Variants in SS18L1 observed in about 807,000 individuals in gnomAD.
SS18L1 encodes calcium-responsive transactivator.
In SS18L1, 32 loss-of-function variants were observed where a neutral mutation model predicts 70.3. That is an observed-to-expected ratio of 0.46 (90% confidence interval 0.34 to 0.61). SS18L1 has a LOEUF of 0.61. Among genes scored for constraint, SS18L1 ranks in the 20% least tolerant of loss-of-function variants. The pLI, the probability that SS18L1 is intolerant of heterozygous loss-of-function variation, is 0.01. For synonymous variants in SS18L1, 237 were observed against 229.7 expected (o/e 1.03, Z -0.29); for missense variants, 430 against 542.1 (o/e 0.79, Z 2.05).
At chr20:62,147,052 G>A (rs2057043788) in intron 1 of SS18L1, among the ~76,000 whole-genome samples, 1 of 152,180 alleles carries the variant, frequency 6.6e-6, no homozygotes. Context: ...CAGGCACCAG[G>A]GGTCTGGGTA....
intron 1 of SS18L1, among the ~76,000 whole-genome samples, chr20:62,152,977 G>A (rs903572991): frequency 2.0e-5 from 3 of 152,266 alleles, no homozygotes; most frequent in Non-Finnish European, 4.4e-5. Flanking sequence ...TGTGTTAGTT[G>A]TTCTTACACT....
chr20:62,169,780 C>CA (rs11475719), intron 8 of SS18L1, among the ~76,000 whole-genome samples: 7,094 of 141,174 alleles, frequency 0.05, 252 homozygotes, highest in African/African-American at 0.098. Context: ...ACTCCATCTC[C>CA]AAAAAAAAAA....
At chr20:62,178,239 C>T (rs1292087767) in intron 10 of SS18L1, among the ~76,000 whole-genome samples, 7 of 148,950 alleles carry the variant, frequency 4.7e-5, no homozygotes, top group Non-Finnish European at 8.9e-5. Flanking sequence ...CTCCACCTCT[C>T]AGGCCCAGTG....
At chr20:62,157,146 GGCCT>G (rs1384851381) in intron 1 of SS18L1, among the ~76,000 whole-genome samples, 2 of 152,126 alleles carry the variant, frequency 1.3e-5, no homozygotes, top group Non-Finnish European at 2.9e-5. Flanking sequence ...TGCTCCCCAC[GGCCT>G]GTGGGCGTCC....
At chr20:62,175,075 C>T (rs935447469) in intron 10 of SS18L1, among the ~76,000 whole-genome samples, 3 of 152,316 alleles carry the variant, frequency 2.0e-5, no homozygotes, top group East Asian at 3.9e-4. Flanking sequence ...AAATGGAGCC[C>T]GCCTTCCAGA....
In SS18L1 at chr20:62,159,322, T is replaced by C. The variant is rs1370436320; in HGVS notation, c.147-555T>C. On this transcript the variant is annotated intron_variant, in intron 2 of 10. Transcript: ENST00000331758. This position sits in a 1 kb window ranked among gnomAD's most constrained non-coding sequence, Gnocchi z 4.4. ...GCGGCTGTCCAAGTGGCCGTCAGAC[T>C]GACCTGGAGGTGGGAAGTGCGTGAA... is the stretch of plus-strand genomic sequence containing the variant. Among the ~76,000 whole-genome samples the C allele has an allele frequency of 6.6e-6, 1 of 152,190 alleles. No individual in the cohort carries two copies. The highest frequency in any genetic ancestry group is 1.5e-5 in the Non-Finnish European group (1 of 68,006).
At chr20:62,176,886 AAG>A (rs1450871884) in intron 10 of SS18L1, among the ~76,000 whole-genome samples, 1 of 152,232 alleles carries the variant, frequency 6.6e-6, no homozygotes, top group Non-Finnish European at 1.5e-5. Flanking sequence ...GCAAAATATT[AAG>A]ATAGCCTTTA....
intron 1 of SS18L1, chr20:62,154,566 G>A (rs1397735807): frequency 2.0e-6 from 2 of 1,003,536 alleles, no homozygotes; most frequent in Admixed American, 5.9e-5. Context: ...GGTGTCCCTT[G>A]GTATGGGACA....
intron 7 of SS18L1, among the ~76,000 whole-genome samples, chr20:62,164,989 G>GGGGCAGGTGCACAGACAGGT (rs1181738087): frequency 6.6e-6 from 1 of 152,250 alleles, no homozygotes; most frequent in Non-Finnish European, 1.5e-5. Context: ...CAGCCAGCAA[G>GGGGCAGGTGCACAGACAGGT]GGGCAGGTGC....
chr20:62,175,416 G>A (rs764033166), intron 10 of SS18L1: 74 of 985,264 alleles, frequency 7.5e-5, no homozygotes, highest in Non-Finnish European at 8.6e-5. Context: ...CTGCAGGAGC[G>A]AGGGCCTCCT....
rs113496841 is a variant in SS18L1, at chr20:62,165,579, G to T, written c.916+65G>T. The T allele has an allele frequency of 5.2e-5, 77 of 1,478,538 alleles. No individual in the cohort carries two copies. In the African/African-American group the frequency reaches 7.9e-4, roughly 15 times the overall value. The allele number at this position is 1,478,538 out of a possible 1,614,324, so 91.6% of individuals were successfully genotyped here. A position where few individuals can be genotyped will look rare whatever the true frequency, so the allele number is the denominator to read the frequency against. On this transcript the variant is annotated intron_variant, in intron 8 of 10. Coordinates refer to ENST00000331758, the MANE Select transcript of SS18L1 (RefSeq NM_198935.3). ...CCACACGCAGCAGAGTTAAGACGCT[G>T]CACCCTTAGGAGCACGCGGTGCCTG...
intron 1 of SS18L1, among the ~76,000 whole-genome samples, chr20:62,145,460 T>C (rs1019687561): frequency 5.3e-5 from 8 of 152,210 alleles, no homozygotes; most frequent in African/African-American, 1.9e-4. Flanking sequence ...GAGGCAAATG[T>C]TGGAACCCAG....
intron 1 of SS18L1, among the ~76,000 whole-genome samples, chr20:62,147,599 G>A (rs2057054633): frequency 6.6e-6 from 1 of 152,172 alleles, no homozygotes; most frequent in Non-Finnish European, 1.5e-5. Context: ...CCGGATAATA[G>A]CAGTGGTGTC....
chr20:62,144,537 C>G (rs2056987747), intron 1 of SS18L1, among the ~76,000 whole-genome samples: 1 of 152,230 alleles, frequency 6.6e-6, no homozygotes, highest in South Asian at 2.1e-4. Flanking sequence ...GCGCACCGCC[C>G]CCTCCGTATC....
rs747047656 is a variant in SS18L1, at chr20:62,162,952, A to G, written c.556+21A>G. Reference sequence around the variant, plus strand: ...CCCAGGTACCTACTCTGCCTCTGCAACCCCGGGGGGCCTGGGCCTGCCTCC... The same window carrying G: ...CCCAGGTACCTACTCTGCCTCTGCAGCCCCGGGGGGCCTGGGCCTGCCTCC... On this transcript the variant is annotated intron_variant, in intron 5 of 10. Transcript: ENST00000331758. 3 of 1,609,208 alleles carry G rather than the reference A, an allele frequency of 1.9e-6. No individual in the cohort carries two copies. In the African/African-American group the frequency reaches 4.0e-5, roughly 22 times the overall value.
rs937806225 is a variant in SS18L1 at position 62,179,316 on chromosome 20, A to G, written c.*108A>G. The G allele has an allele frequency of 5.5e-6, 7 of 1,268,656 alleles. No individual in the cohort carries two copies. Among genetic ancestry groups the G allele is most frequent in the Non-Finnish European group, 6.9e-6 (6 of 872,660 alleles). The allele number at this position is 1,268,656 out of a possible 1,614,324, so 78.6% of individuals were successfully genotyped here. A position where few individuals can be genotyped will look rare whatever the true frequency, so the allele number is the denominator to read the frequency against. ...TGACATGTTGGTTACCTGTTCGCCC[A>G]GTGCCACGTCTGCATGTGAAGCGTG... On this transcript the variant is annotated 3_prime_UTR_variant, in exon 11 of 11. Coordinates refer to ENST00000331758, the MANE Select transcript of SS18L1 (RefSeq NM_198935.3).
chr20:62,144,391 G>T (rs1040072881), intron 1 of SS18L1, among the ~76,000 whole-genome samples: 3 of 152,216 alleles, frequency 2.0e-5, no homozygotes, highest in Non-Finnish European at 4.4e-5. Flanking sequence ...GCCTCCGGGC[G>T]CACTTGCGAC....
At chr20:62,167,417 C>T (rs1332366109) in intron 8 of SS18L1, among the ~76,000 whole-genome samples, 2 of 150,744 alleles carry the variant, frequency 1.3e-5, no homozygotes, top group Non-Finnish European at 3.0e-5. Flanking sequence ...AAAAAAATGC[C>T]GGGCGTGGTG....
At position 62,143,788 on chromosome 20, in the gene SS18L1, C is replaced by T. The variant is rs780953116; in HGVS notation, c.-33C>T. On this transcript the variant is annotated 5_prime_UTR_variant, in exon 1 of 11. Coordinates refer to ENST00000331758, the MANE Select transcript of SS18L1 (RefSeq NM_198935.3). ...CCCAGCGCAGCCGGAGTATCCACCT[C>T]GATGACCACGGGCTGAGCCCCGCGC... is the stretch of plus-strand genomic sequence containing the variant. 2.2e-6 allele frequency: 3 copies of T among 1,343,646 alleles called. No individual in the cohort carries two copies. The highest frequency in any genetic ancestry group is 3.1e-5 in the African/African-American group (2 of 64,448). 83.2% of individuals were successfully genotyped at this position (1,343,646 alleles called of 1,614,324 possible).
Sources: allele counts gnomAD v4.1 joint callset (sites outside exome capture counted in the v4.1 genomes callset), GRCh38; gene constraint gnomAD v4.1.1; non-coding constraint Gnocchi (gnomAD v3.1); transcripts MANE v1.5; gene names NCBI Gene and HGNC (gene_info 2026-07-23, HGNC 2026-07-21).